Variants in GALNT12 observed in about 807,000 individuals in gnomAD.
The protein encoded by GALNT12 is polypeptide N-acetylgalactosaminyltransferase 12.
A neutral mutation model predicts 55.5 loss-of-function variants in GALNT12; 45 were observed. The ratio of observed to expected loss-of-function variants is 0.81; its 90% confidence interval spans 0.64 to 1.04. The LOEUF is 1.04. Ranked by LOEUF, GALNT12 falls within the 50% of genes least tolerant of loss-of-function variation. The probability of loss-of-function intolerance (pLI) is 0.00; values close to 1 mark genes in which losing one functional copy is unlikely to be tolerated. For missense variants in GALNT12, 709 were observed against 754.8 expected (o/e 0.94, Z 0.71); for synonymous variants, 304 against 312.2 (o/e 0.97, Z 0.28).
intron 1 of GALNT12, among the ~76,000 whole-genome samples, chr9:98,819,256 T>A (rs1282212234): frequency 6.6e-6 from 1 of 152,222 alleles, no homozygotes; most frequent in Non-Finnish European, 1.5e-5. Context: ...AGCCGCATTC[T>A]CCTCCCCTTG....
At chr9:98,828,931 G>A (rs767852068) in intron 3 of GALNT12, among the ~76,000 whole-genome samples, 9 of 152,090 alleles carry the variant, frequency 5.9e-5, no homozygotes, top group Admixed American at 5.9e-4. Flanking sequence ...CCAAGTTCAA[G>A]TGATTCTCCT....
rs1836110993 is a variant in GALNT12 at position 98,835,279 on chromosome 9, T to C, written c.948T>C (p.Ala316=). The stretch of plus-strand genomic sequence containing the variant: ...CAACAATGGCTGGTGGGCTGTTTGC[T>C]GTGAGTAAGAAATATTTTGAATATC... ...RSPTMAGGLF[A]VSKKYFEYLG... Residue 316 remains alanine, a synonymous_variant, in exon 5 of 10, where the codon GCT becomes GCC. Transcript: ENST00000375011. The C allele has an allele frequency of 6.2e-7, 1 of 1,614,018 alleles. No homozygotes were observed. The highest frequency in any genetic ancestry group is 8.5e-7 in the Non-Finnish European group (1 of 1,179,858).
At chr9:98,839,203 A>G (rs1480515845) in intron 6 of GALNT12, among the ~76,000 whole-genome samples, 1 of 152,244 alleles carries the variant, frequency 6.6e-6, no homozygotes, top group Non-Finnish European at 1.5e-5. Flanking sequence ...CTAAATGGAT[A>G]CTTGGCTGAA....
At chr9:98,818,308 C>T (rs1199268047) in intron 1 of GALNT12, among the ~76,000 whole-genome samples, 1 of 151,902 alleles carries the variant, frequency 6.6e-6, no homozygotes, top group African/African-American at 2.4e-5. Flanking sequence ...CTGCAACCTC[C>T]GCCCCCCGGG....
intron 7 of GALNT12, among the ~76,000 whole-genome samples, chr9:98,842,622 G>A (rs1427297118): frequency 6.6e-6 from 1 of 151,988 alleles, no homozygotes; most frequent in African/African-American, 2.4e-5. Context: ...TGTCCCATTC[G>A]AGTTTTAAAC....
chr9:98,820,964 C>G (rs1205830000), intron 1 of GALNT12, among the ~76,000 whole-genome samples: 1 of 152,138 alleles, frequency 6.6e-6, no homozygotes, highest in African/African-American at 2.4e-5. Flanking sequence ...CTGTTAGAGA[C>G]ACATATCGAA....
At chr9:98,818,637 C>T (rs373569389) in intron 1 of GALNT12, among the ~76,000 whole-genome samples, 3 of 152,026 alleles carry the variant, frequency 2.0e-5, no homozygotes, top group East Asian at 1.9e-4. Context: ...CTCACTCAGT[C>T]GGGAACAGTT....
intron 3 of GALNT12, among the ~76,000 whole-genome samples, chr9:98,831,463 C>G (rs1835989967): frequency 6.6e-6 from 1 of 152,122 alleles, no homozygotes; most frequent in South Asian, 2.1e-4. Flanking sequence ...GTGATTAAAC[C>G]TCTTGCACTT....
At chr9:98,808,592 T>A (rs531111319) in intron 1 of GALNT12, among the ~76,000 whole-genome samples, 5 of 152,262 alleles carry the variant, frequency 3.3e-5, no homozygotes, top group African/African-American at 1.2e-4. Flanking sequence ...GTGCTCTCCC[T>A]GGGCATTGGA....
intron 1 of GALNT12, among the ~76,000 whole-genome samples, chr9:98,810,836 T>C (rs1835479776): frequency 1.3e-5 from 2 of 152,186 alleles, no homozygotes; most frequent in South Asian, 4.1e-4. Flanking sequence ...AAGAGGAGGC[T>C]AATGATGACT....
intron 6 of GALNT12, among the ~76,000 whole-genome samples, chr9:98,839,763 C>A (rs1836241794): frequency 6.6e-6 from 1 of 152,188 alleles, no homozygotes; most frequent in African/African-American, 2.4e-5. Flanking sequence ...CACCTGGTCA[C>A]ACCCCCCTGC....
At position 98,835,215 on chromosome 9, in the gene GALNT12, T is replaced by C. The variant is rs758537018; in HGVS notation, c.918-34T>C. ...GGATAACTGTGATGGTTTTCTGCTGTCTACAGTGAAATAAGGATATCATAC... is the reference window on the plus strand; with the variant it reads ...GGATAACTGTGATGGTTTTCTGCTGCCTACAGTGAAATAAGGATATCATAC... On this transcript the variant is annotated intron_variant, in intron 4 of 9. Transcript: ENST00000375011. 4.3e-6 allele frequency: 6 copies of C among 1,403,786 alleles called. No homozygotes were observed. The African/African-American group carries it at 7.1e-5, about 16-fold the overall frequency. The allele number at this position is 1,403,786 out of a possible 1,614,324, so 87.0% of individuals were successfully genotyped here.
intron 5 of GALNT12, 95 bp from the exon 6 acceptor site, chr9:98,836,877 T>C: frequency 7.6e-7 from 1 of 1,315,286 alleles, no homozygotes. Flanking sequence ...GTGTCCATCA[T>C]GCCTTGCGTG....
chr9:98,808,775 G>T (rs535621448), intron 1 of GALNT12, among the ~76,000 whole-genome samples: 1 of 152,242 alleles, frequency 6.6e-6, no homozygotes, highest in Non-Finnish European at 1.5e-5. Flanking sequence ...CCCTGCCTAG[G>T]TGGGGATCCA....
At chr9:98,831,333 T>A (rs919571813) in intron 3 of GALNT12, among the ~76,000 whole-genome samples, 20 of 152,328 alleles carry the variant, frequency 1.3e-4, no homozygotes, top group African/African-American at 4.8e-4. Flanking sequence ...TTGGCTAATG[T>A]CACACAACAA....
chr9:98,823,405 T>C lies in GALNT12; in HGVS notation c.521T>C (p.Val174Ala), dbSNP rs138795909. The C allele has an allele frequency of 3.7e-6, 6 of 1,614,064 alleles. No homozygotes were observed. The highest frequency in any genetic ancestry group is 4.2e-6 in the Non-Finnish European group (5 of 1,180,004). The change falls in exon 2 of 10, where the codon GTA becomes GCA. Residue 174 changes from valine (V) to alanine (A), a missense_variant. Physicochemically the swap from Val to Ala is moderately conservative, Grantham distance 64 (BLOSUM62 0). Transcript: ENST00000375011. ...PDILLEEVIL[V>A]DDYSDREHLK... ...ATCCTGCTAGAAGAAGTGATCCTTG[T>C]AGATGACTACAGTGATAGAGGTGAG... is the stretch of plus-strand genomic sequence containing the variant.
At chr9:98,824,454 C>T (rs1835815769) in intron 2 of GALNT12, among the ~76,000 whole-genome samples, 1 of 152,192 alleles carries the variant, frequency 6.6e-6, no homozygotes, top group Non-Finnish European at 1.5e-5. Context: ...TCCACACATC[C>T]CATTGAGCAG....
At position 98,823,425 on chromosome 9, in the gene GALNT12, G is replaced by A; in HGVS notation, c.541G>A (p.Glu181Lys). 1.2e-6 allele frequency: 2 copies of A among 1,613,830 alleles called. No individual in the cohort carries two copies. Among genetic ancestry groups the A allele is most frequent in the South Asian group, 2.2e-5 (2 of 91,070 alleles). Residue 181 changes from glutamate (E) to lysine (K), a missense_variant and splice_region_variant, in exon 2 of 10, where the codon GAG becomes AAG. Around this residue, in one of 5 missense-constraint regions of GALNT12, gnomAD observed 315 missense variants for 288.6 expected, o/e 1.09. Coordinates refer to ENST00000375011, the MANE Select transcript of GALNT12 (RefSeq NM_024642.5). ...CCTTGTAGATGACTACAGTGATAGA[G>A]GTGAGTCCCGGCCAGGGCTCTGGGA... is the stretch of plus-strand genomic sequence containing the variant. ...VILVDDYSDREHLKERLANEL... is the reference protein window; with the variant it reads ...VILVDDYSDRKHLKERLANEL...
chr9:98,817,709 G>A (rs550803037), intron 1 of GALNT12, among the ~76,000 whole-genome samples: 19 of 152,068 alleles, frequency 1.2e-4, no homozygotes, highest in East Asian at 9.7e-4. Flanking sequence ...TGATCCACCC[G>A]CCTCAGCCTC....
Sources: gnomAD v4.1 joint callset for allele counts (sites outside exome capture counted in the v4.1 genomes callset) on GRCh38, gnomAD v4.1.1 for gene constraint, gnomAD v4.1.1 regional missense constraint, MANE v1.5 for transcripts, NCBI Gene and HGNC (gene_info 2026-07-23, HGNC 2026-07-21) for gene names.